PPFIBP2: variants seen among roughly 807,000 people sequenced by gnomAD.
PPFIBP2 encodes liprin-beta-2.
In PPFIBP2, 118 loss-of-function variants were observed where a neutral mutation model predicts 118.3. The ratio of observed to expected loss-of-function variants is 1.00; its 90% CI spans 0.86 to 1.16. The LOEUF (loss-of-function observed/expected upper bound fraction) is 1.16, where lower values mean the gene tolerates loss of function less well. Ranked by LOEUF, PPFIBP2 falls within the 50% of genes most tolerant of loss-of-function variation. PPFIBP2 has a pLI of 0.00. For synonymous variants in PPFIBP2, 414 were observed against 397.4 expected, an observed-to-expected ratio of 1.04 and a Z score of -0.50; for missense variants, 1,195 against 1,073.1, an observed-to-expected ratio of 1.11 and a Z score of -1.59.
At chr11:7,662,634 G>C in the PPFIBP2 span, among the ~76,000 whole-genome samples, 1 of 147,118 alleles carries the variant, frequency 6.8e-6, no homozygotes, top group Non-Finnish European at 1.5e-5. Context: ...TCTTGGAGTT[G>C]CTCTTCTCGA....
chr11:7,566,877 T>G (rs906261665), intron 3 of PPFIBP2, among the ~76,000 whole-genome samples: 2 of 152,200 alleles, frequency 1.3e-5, no homozygotes, highest in African/African-American at 4.8e-5. Flanking sequence ...TATTTTTCCC[T>G]GTACACCCAG....
chr11:7,621,497 A>G (rs1291185006), intron 7 of PPFIBP2, among the ~76,000 whole-genome samples: 3 of 152,164 alleles, frequency 2.0e-5, no homozygotes, highest in Non-Finnish European at 4.4e-5. Flanking sequence ...CTTCAATCAA[A>G]TCATGTTTCT....
At chr11:7,612,430 A>G (rs1231100292) in intron 6 of PPFIBP2, among the ~76,000 whole-genome samples, 2 of 152,188 alleles carry the variant, frequency 1.3e-5, no homozygotes, top group Non-Finnish European at 2.9e-5. Flanking sequence ...CGAATATGAA[A>G]GTCAGCCCGT....
At chr11:7,637,342 C>A (rs542177204) in intron 14 of PPFIBP2, among the ~76,000 whole-genome samples, 1 of 152,326 alleles carries the variant, frequency 6.6e-6, no homozygotes, top group South Asian at 2.1e-4. Flanking sequence ...ATTGCTATTT[C>A]TTTAGGCCCT....
intron 7 of PPFIBP2, 45 bp from the exon 8 acceptor site, chr11:7,625,732 T>A (rs1483608220): frequency 6.6e-7 from 1 of 1,512,590 alleles, no homozygotes; most frequent in Admixed American, 1.7e-5. Context: ...CATCATGATT[T>A]GGCAGTCCTT....
chr11:7,642,018 T>G (rs1852264036), intron 16 of PPFIBP2: 1 of 427,252 alleles, frequency 2.3e-6, no homozygotes, highest in Non-Finnish European at 4.2e-6. Context: ...TGATCCACTT[T>G]GTGACATGAG....
chr11:7,540,250 T>TC (rs1851640092), intron 1 of PPFIBP2, among the ~76,000 whole-genome samples: 1 of 121,258 alleles, frequency 8.2e-6, no homozygotes, highest in South Asian at 2.2e-4. Flanking sequence ...ATGAGGGGTG[T>TC]GGGGGGGCGG....
intron 14 of PPFIBP2, 85 bp downstream of exon 14, chr11:7,635,678 C>T: frequency 6.9e-7 from 1 of 1,443,168 alleles, no homozygotes; most frequent in Non-Finnish European, 9.7e-7. Context: ...TTTTCATAAC[C>T]TTAAAATGTG....
At chr11:7,559,903 T>C (rs933901462) in intron 2 of PPFIBP2, among the ~76,000 whole-genome samples, 2 of 152,220 alleles carry the variant, frequency 1.3e-5, no homozygotes, top group Non-Finnish European at 2.9e-5. Context: ...TTACTGTCTT[T>C]CAAGCTTGGC....
At chr11:7,629,046 G>A (rs1590692271) in intron 9 of PPFIBP2, among the ~76,000 whole-genome samples, 1 of 152,152 alleles carries the variant, frequency 6.6e-6, no homozygotes, top group East Asian at 1.9e-4. Context: ...TGTAGTATGA[G>A]GTATCTCAGA....
chr11:7,516,989 G>A (rs1849285508), intron 1 of PPFIBP2, among the ~76,000 whole-genome samples: 1 of 151,914 alleles, frequency 6.6e-6, no homozygotes. Context: ...GGGGTGGTGT[G>A]GGCTCCTTGG....
At chr11:7,564,817 G>C (rs940631327) in intron 2 of PPFIBP2, among the ~76,000 whole-genome samples, 1 of 152,198 alleles carries the variant, frequency 6.6e-6, no homozygotes, top group Non-Finnish European at 1.5e-5. Context: ...GGGTCAAAGA[G>C]AGAAAGAGTG....
Position 7,610,412 on chromosome 11 carries a change from GAA to G in PPFIBP2, c.611_612del (p.Lys204SerfsTer21), listed in dbSNP as rs1391688365. 6 of 1,613,618 alleles carry G rather than the reference GAA, an allele frequency of 3.7e-6. No homozygotes were observed. The highest frequency in any genetic ancestry group is 5.1e-6 in the Non-Finnish European group (6 of 1,179,934). On this transcript the variant is annotated frameshift_variant, in exon 6 of 24. Transcript: ENST00000299492. LOFTEE classifies it high-confidence loss of function. ...CAGAGAGAGCAGGAGGAGAAGCAGAGAAAAGCAGAGGTAAGGGTGAGTGTGTA... is the reference window on the plus strand; with the variant it reads ...CAGAGAGAGCAGGAGGAGAAGCAGAGAAGCAGAGGTAAGGGTGAGTGTGTA...
rs1590761847 is a variant in PPFIBP2 at position 7,641,598 on chromosome 11, G to A, written c.1495G>A (p.Gly499Ser). The A allele has an allele frequency of 6.2e-7, 1 of 1,614,068 alleles. No individual in the cohort carries two copies. Among genetic ancestry groups the A allele is most frequent in the Non-Finnish European group, 8.5e-7 (1 of 1,179,938 alleles). Residue 499 changes from glycine to serine, a missense_variant, in exon 16 of 24, where the codon GGC becomes AGC. Gly to Ser is a moderately conservative substitution (Grantham distance 56, BLOSUM62 0). Transcript: ENST00000299492. ...ACCAGATGGTAAACGGAATCCCAAA[G>A]GCATTAAGAAGTTCTGGGGAAAGTA... ...LTPDGKRNPK[G>S]IKKFWGKIRR...
chr11:7,589,265 A>G (rs1858781442), intron 3 of PPFIBP2, among the ~76,000 whole-genome samples: 1 of 152,168 alleles, frequency 6.6e-6, no homozygotes, highest in Admixed American at 6.5e-5. Flanking sequence ...TCTCCTTTAT[A>G]GTCACTTGCC....
Position 7,632,861 on chromosome 11 carries a change from G to A in PPFIBP2, c.1069-6G>A, listed in dbSNP as rs1024034301. The A allele has an allele frequency of 4.3e-6, 7 of 1,611,984 alleles. No homozygotes were observed. The African/African-American group carries it at 5.3e-5, about 12-fold the overall frequency. On this transcript the variant is annotated splice_polypyrimidine_tract_variant and splice_region_variant and intron_variant, in intron 11 of 23. Coordinates refer to ENST00000299492, the MANE Select transcript of PPFIBP2 (RefSeq NM_003621.5). Reference sequence around the variant, plus strand: ...CTCTACCGTGACTCTTCTGTCTCTGGTGCAGATGCCTCCAAGATGTAGCTC... The same window carrying A: ...CTCTACCGTGACTCTTCTGTCTCTGATGCAGATGCCTCCAAGATGTAGCTC...
chr11:7,621,051 T>C (rs371452929), intron 7 of PPFIBP2, 24 bp downstream of exon 7: 160 of 1,545,738 alleles, frequency 1.0e-4, no homozygotes, highest in Non-Finnish European at 1.4e-4. Flanking sequence ...CTGATGCTTA[T>C]GGAGAGAGTA....
At chr11:7,580,039 A>T (rs1857036888) in intron 3 of PPFIBP2, among the ~76,000 whole-genome samples, 1 of 152,054 alleles carries the variant, frequency 6.6e-6, no homozygotes, top group South Asian at 2.1e-4. Flanking sequence ...TGGAAGAAAA[A>T]TCAGGCCCTT....
rs1351358898 is a variant in PPFIBP2, at chr11:7,649,512, A to G, written c.1999-20A>G. 6.2e-7 allele frequency: 1 copy of G among 1,614,028 alleles called. No individual in the cohort carries two copies. Among genetic ancestry groups the G allele is most frequent in the Non-Finnish European group, 8.5e-7 (1 of 1,179,940 alleles). On this transcript the variant is annotated intron_variant, in intron 20 of 23. Coordinates refer to ENST00000299492, the MANE Select transcript of PPFIBP2 (RefSeq NM_003621.5). ...TCACTTTGGAAACTCTGGTTTATAA[A>G]CCAAACTTTCCTCTTTCAGAACGAT...
Sources: gnomAD v4.1 joint callset for allele counts (sites outside exome capture counted in the v4.1 genomes callset) on GRCh38, gnomAD v4.1.1 for gene constraint, MANE v1.5 for transcripts, NCBI Gene and HGNC (gene_info 2026-07-23, HGNC 2026-07-21) for gene names.